Variants in CNBD1 observed in about 807,000 individuals in gnomAD.
The protein encoded by CNBD1 is cyclic nucleotide binding domain containing 1.
CNBD1 carries 71 observed loss-of-function variants against 54.4 expected under a neutral mutation model. The observed-to-expected ratio is 1.30, with a 90% CI of 1.08 to 1.59. The LOEUF is 1.59. Ranked by LOEUF, CNBD1 falls within the 40% of genes most tolerant of loss-of-function variation. The probability of loss-of-function intolerance (pLI) is 0.00; values close to 1 mark genes in which losing one functional copy is unlikely to be tolerated. For missense variants in CNBD1, 659 were observed against 518.0 expected, an observed-to-expected ratio of 1.27 and a Z score of -2.64; for synonymous variants, 182 against 170.7, an observed-to-expected ratio of 1.07 and a Z score of -0.51.
intron 5 of CNBD1, among the ~76,000 whole-genome samples, chr8:87,231,887 C>T (rs1807447699): frequency 6.7e-6 from 1 of 150,064 alleles, no homozygotes; most frequent in Non-Finnish European, 1.5e-5. Context: ...TTACTATCAC[C>T]CTAAAAGTTC....
intron 4 of CNBD1, among the ~76,000 whole-genome samples, chr8:86,988,937 A>G (rs1307356691): frequency 6.6e-6 from 1 of 152,054 alleles, no homozygotes; most frequent in Non-Finnish European, 1.5e-5. Flanking sequence ...GGATAATTAG[A>G]TTGCTTCAAA....
At chr8:87,338,358 A>G (rs1563559423) in intron 8 of CNBD1, among the ~76,000 whole-genome samples, 1 of 152,122 alleles carries the variant, frequency 6.6e-6, no homozygotes, top group East Asian at 1.9e-4. Flanking sequence ...CTTGCAAGGC[A>G]GGTCTGACAG....
chr8:86,977,864 A>G (rs1323747720), intron 4 of CNBD1, among the ~76,000 whole-genome samples: 3 of 152,168 alleles, frequency 2.0e-5, no homozygotes, highest in East Asian at 3.9e-4. Flanking sequence ...AGAGAAGTGA[A>G]TACTTCCAAA....
intron 3 of CNBD1, among the ~76,000 whole-genome samples, chr8:86,916,549 A>C (rs1349032219): frequency 1.7e-5 from 2 of 116,178 alleles, no homozygotes; most frequent in African/African-American, 5.4e-5. Context: ...TATACCTGTT[A>C]AACTCTGCCA....
At chr8:87,310,964 G>A (rs529619961) in intron 8 of CNBD1, among the ~76,000 whole-genome samples, 42 of 152,216 alleles carry the variant, frequency 2.8e-4, no homozygotes, top group African/African-American at 7.0e-4. Flanking sequence ...ATGGAGAGAA[G>A]ACTGAAGCCT....
rs73693034 is a variant in CNBD1 at position 87,112,202 on chromosome 8, T to C, written c.432-93791T>C. 9.9e-3 allele frequency among the ~76,000 whole-genome samples: 1,512 copies of C among 152,296 alleles called. 24 individuals carry two copies. Among genetic ancestry groups the C allele is most frequent in the African/African-American group, 0.033 (1,392 of 41,564 alleles). ...CTCCCATATTTAATGTGGGCCATTG[T>C]CTTCTCTGAGCTTCTTATGGAGCAT... On this transcript the variant is annotated intron_variant, in intron 4 of 10. Coordinates refer to ENST00000518476, the MANE Select transcript of CNBD1 (RefSeq NM_173538.3).
At chr8:87,351,200 G>A (rs370181396) in intron 8 of CNBD1, among the ~76,000 whole-genome samples, 25 of 152,180 alleles carry the variant, frequency 1.6e-4, no homozygotes, top group African/African-American at 5.5e-4. Context: ...GGCCAATGTG[G>A]CCTCAAAGCC....
intron 4 of CNBD1, among the ~76,000 whole-genome samples, chr8:87,171,530 A>G (rs182236676): frequency 6.8e-6 from 1 of 147,548 alleles, no homozygotes; most frequent in Admixed American, 6.7e-5. Context: ...TCCAATTTTT[A>G]TTATTTCTTT....
intron 6 of CNBD1, among the ~76,000 whole-genome samples, chr8:87,269,975 A>G (rs759346610): frequency 5.9e-5 from 9 of 152,026 alleles, no homozygotes; most frequent in Admixed American, 6.6e-5. Context: ...CTTCAGGCCA[A>G]TATTTCTGAT....
intron 1 of CNBD1, among the ~76,000 whole-genome samples, chr8:86,879,363 G>T (rs1056094548): frequency 3.3e-5 from 5 of 152,168 alleles, no homozygotes; most frequent in African/African-American, 1.2e-4. Flanking sequence ...ATTTGCTTTA[G>T]TGCAACTATT....
chr8:87,411,088 G>A (rs1305663310), intron 2 of CNBD1, among the ~76,000 whole-genome samples: 1 of 151,736 alleles, frequency 6.6e-6, no homozygotes, highest in African/African-American at 2.4e-5. Flanking sequence ...TATGATACTT[G>A]GGGGTCTGGA....
chr8:87,049,498 C>T (rs532445703), intron 4 of CNBD1, among the ~76,000 whole-genome samples: 3 of 152,184 alleles, frequency 2.0e-5, no homozygotes, highest in Non-Finnish European at 4.4e-5. Flanking sequence ...TCAATAATGA[C>T]ATTCAGGGTG....
intron 10 of CNBD1, among the ~76,000 whole-genome samples, chr8:87,362,265 T>C (rs1288370057): frequency 6.6e-6 from 1 of 152,054 alleles, no homozygotes; most frequent in Non-Finnish European, 1.5e-5. Flanking sequence ...GTCTCCCTCT[T>C]TCAGTCATTA....
At chr8:87,378,225 GC>G (rs1389164189) in intron 10 of CNBD1, among the ~76,000 whole-genome samples, 2 of 141,164 alleles carry the variant, frequency 1.4e-5, no homozygotes, top group African/African-American at 5.4e-5. Flanking sequence ...TGAAGTCCTT[GC>G]CCATGCCTAT....
At chr8:87,048,339 A>G (rs545088984) in intron 4 of CNBD1, among the ~76,000 whole-genome samples, 2 of 152,302 alleles carry the variant, frequency 1.3e-5, no homozygotes, top group Admixed American at 1.3e-4. Flanking sequence ...CCAACCACAC[A>G]TTATTTCAAA....
chr8:86,999,497 C>T (rs913510451), intron 4 of CNBD1, among the ~76,000 whole-genome samples: 1 of 151,754 alleles, frequency 6.6e-6, no homozygotes, highest in Non-Finnish European at 1.5e-5. Flanking sequence ...TCTCTTGGCT[C>T]CTGGCTGATT....
chr8:87,427,724 C>G (rs1211062227), intron 2 of CNBD1, among the ~76,000 whole-genome samples: 1 of 152,084 alleles, frequency 6.6e-6, no homozygotes, highest in Non-Finnish European at 1.5e-5. Context: ...TAAGAATAAA[C>G]AAACTCTTCA....
At chr8:86,920,188 A>C (rs1809249047) in intron 3 of CNBD1, among the ~76,000 whole-genome samples, 1 of 152,232 alleles carries the variant, frequency 6.6e-6, no homozygotes, top group South Asian at 2.1e-4. Flanking sequence ...TTTAGCAACC[A>C]ATCGCATGTT....
At chr8:87,216,539 A>G (rs1416941197) in intron 5 of CNBD1, among the ~76,000 whole-genome samples, 1 of 152,192 alleles carries the variant, frequency 6.6e-6, no homozygotes, top group Admixed American at 6.6e-5. Flanking sequence ...CTCTTATATT[A>G]GAGTAACAGT....
Sources: allele counts gnomAD v4.1 joint callset (sites outside exome capture counted in the v4.1 genomes callset), GRCh38; gene constraint gnomAD v4.1.1; transcripts MANE v1.5; gene names NCBI Gene and HGNC (gene_info 2026-07-23, HGNC 2026-07-21).